The following RAP1GAP2 variants were observed in gnomAD, a reference collection of about 807,000 sequenced individuals.
The protein encoded by RAP1GAP2 is rap1 GTPase-activating protein 2.
Under a neutral mutation model 95.0 loss-of-function variants are expected in RAP1GAP2, and 27 were observed. The ratio of observed to expected loss-of-function variants is 0.28; its 90% CI spans 0.21 to 0.39. RAP1GAP2 has a LOEUF of 0.39. Ranked by LOEUF, RAP1GAP2 falls within the 10% of genes least tolerant of loss-of-function variation. The pLI, the probability that RAP1GAP2 is intolerant of heterozygous loss-of-function variation, is 1.00. For missense variants in RAP1GAP2, 771 were observed against 970.0 expected (o/e 0.79, Z 2.72); for synonymous variants, 373 against 380.9 (o/e 0.98, Z 0.24).
chr17:2,890,086 T>TG (rs1319711356), intron 2 of RAP1GAP2, among the ~76,000 whole-genome samples: 1 of 151,540 alleles, frequency 6.6e-6, no homozygotes, highest in African/African-American at 2.4e-5. Flanking sequence ...CCCTGGTCCC[T>TG]GGGAGCCAAA....
chr17:2,969,382 A>G (rs909459015), intron 8 of RAP1GAP2, among the ~76,000 whole-genome samples: 1 of 151,856 alleles, frequency 6.6e-6, no homozygotes, highest in African/African-American at 2.4e-5. Context: ...AAAAAGCCCA[A>G]CAAACAAAAA....
chr17:2,801,721 A>T (rs2069308162), intron 2 of RAP1GAP2, among the ~76,000 whole-genome samples: 1 of 149,112 alleles, frequency 6.7e-6, no homozygotes, highest in Non-Finnish European at 1.5e-5. Context: ...GGGCTTTCTG[A>T]GGCTCCCACG....
At chr17:3,014,976 A>G (rs112668477) in intron 17 of RAP1GAP2, among the ~76,000 whole-genome samples, 7,356 of 152,246 alleles carry the variant, frequency 0.048, 265 homozygotes, top group East Asian at 0.19. Context: ...GTTTGAGACC[A>G]GCCTGGGCAA....
chr17:2,949,347 G>A (rs4790109), intron 3 of RAP1GAP2, among the ~76,000 whole-genome samples: 136,597 of 152,000 alleles, frequency 0.9, 62,679 homozygotes, highest in Non-Finnish European at 1. Flanking sequence ...ACCCCTTCCG[G>A]AGGCTGTCCC....
At chr17:2,939,615 G>A (rs1445347596) in intron 3 of RAP1GAP2, among the ~76,000 whole-genome samples, 1 of 152,224 alleles carries the variant, frequency 6.6e-6, no homozygotes, top group Non-Finnish European at 1.5e-5. Flanking sequence ...CAACACTGTG[G>A]CTGGTTTCCT....
At chr17:2,917,316 GC>G in intron 3 of RAP1GAP2, among the ~76,000 whole-genome samples, 1 of 152,202 alleles carries the variant, frequency 6.6e-6, no homozygotes, top group East Asian at 1.9e-4. Flanking sequence ...TGTTGCCCAG[GC>G]TGGAGGGCAA....
intron 4 of RAP1GAP2, chr17:2,962,411 AGGCT>A: frequency 2.1e-6 from 1 of 473,128 alleles, no homozygotes; most frequent in Non-Finnish European, 3.7e-6. Context: ...CAAGGTCATC[AGGCT>A]GATAGGTGGC....
chr17:2,997,588 A>G (rs17835197), intron 13 of RAP1GAP2, among the ~76,000 whole-genome samples: 15,921 of 152,116 alleles, frequency 0.1, 1,075 homozygotes, highest in Non-Finnish European at 0.15. Context: ...GCCTCTACCT[A>G]ACGACTTGGC....
intron 2 of RAP1GAP2, among the ~76,000 whole-genome samples, chr17:2,840,225 G>T (rs1028725460): frequency 2.0e-5 from 3 of 151,444 alleles, no homozygotes; most frequent in African/African-American, 7.3e-5. Flanking sequence ...GTGCGGTGGC[G>T]CGATCTCGGT....
chr17:3,013,031 G>C (rs2046615695), intron 17 of RAP1GAP2, among the ~76,000 whole-genome samples: 2 of 152,208 alleles, frequency 1.3e-5, no homozygotes, highest in Non-Finnish European at 2.9e-5. Flanking sequence ...CAGAGGACCG[G>C]GGAGGAGAAG....
At position 2,771,801 on chromosome 17, in the gene RAP1GAP2, G is replaced by T. The variant is rs57385689; in HGVS notation, c.167+1356G>T. Among the ~76,000 whole-genome samples the T allele has an allele frequency of 5.4e-3, 816 of 152,124 alleles. 4 individuals carry two copies. Among genetic ancestry groups the T allele is most frequent in the African/African-American group, 0.018 (767 of 41,518 alleles). ...CACTGTGCCCGGCCACATAACTTCA[G>T]ATTTCATACATGGGAAGGTTACATG... is the stretch of plus-strand genomic sequence containing the variant. On this transcript the variant is annotated intron_variant, in intron 2 of 25. Coordinates refer to the RAP1GAP2 transcript ENST00000637138.
In RAP1GAP2 at chr17:2,965,339, G is replaced by C; in HGVS notation, c.493-201G>C. The C allele has an allele frequency of 6.8e-6, 4 of 589,854 alleles. No individual in the cohort carries two copies. In the South Asian group the frequency reaches 8.0e-5, roughly 12 times the overall value. The allele number at this position is 589,854 out of a possible 1,614,324, so 36.5% of individuals were successfully genotyped here. A position where few individuals can be genotyped will look rare whatever the true frequency, so the allele number is the denominator to read the frequency against. On this transcript the variant is annotated intron_variant, in intron 7 of 24. Coordinates refer to ENST00000254695, the MANE Select transcript of RAP1GAP2 (RefSeq NM_015085.5). The surrounding 1 kb of genome is among the most constrained non-coding windows in gnomAD (Gnocchi z 4.7). The stretch of plus-strand genomic sequence containing the variant: ...TGGTCAGGACTGAAGGAGATAGTGG[G>C]TATTAAGCCCCTGGCACGGTGCCTG...
At chr17:2,924,699 C>T (rs971408553) in intron 3 of RAP1GAP2, among the ~76,000 whole-genome samples, 6 of 152,016 alleles carry the variant, frequency 3.9e-5, no homozygotes, top group Admixed American at 3.3e-4. Context: ...CTGAGTTTGT[C>T]CTCAAATATG....
chr17:2,929,601 T>C (rs2043077319), intron 3 of RAP1GAP2, among the ~76,000 whole-genome samples: 2 of 152,180 alleles, frequency 1.3e-5, no homozygotes, highest in Admixed American at 1.3e-4. Context: ...GTTGACTGTT[T>C]TCCCTGCATG....
chr17:2,994,476 C>G (rs1295604676), intron 12 of RAP1GAP2, among the ~76,000 whole-genome samples: 1 of 152,306 alleles, frequency 6.6e-6, no homozygotes, highest in Admixed American at 6.5e-5. Flanking sequence ...AGGGACTTCC[C>G]TGGATACTCC....
chr17:2,771,546 T>G (rs1278252963), intron 2 of RAP1GAP2, among the ~76,000 whole-genome samples: 1 of 144,464 alleles, frequency 6.9e-6, no homozygotes, highest in Non-Finnish European at 1.5e-5. Context: ...CAGGCTGGAG[T>G]GTAATGGCAC....
At chr17:2,961,971 C>T (rs958065367) in intron 4 of RAP1GAP2, among the ~76,000 whole-genome samples, 6 of 149,198 alleles carry the variant, frequency 4.0e-5, no homozygotes, top group East Asian at 2.0e-4. Flanking sequence ...GGCGCGATCT[C>T]GGCTCACTGC....
At chr17:2,862,433 TC>T (rs1359370273) in intron 2 of RAP1GAP2, among the ~76,000 whole-genome samples, 1 of 152,038 alleles carries the variant, frequency 6.6e-6, no homozygotes, top group African/African-American at 2.4e-5. Flanking sequence ...TTCGGTGAAA[TC>T]AACGAAAAGC....
chr17:2,844,803 C>A (rs1203879687), intron 2 of RAP1GAP2, among the ~76,000 whole-genome samples: 1 of 152,158 alleles, frequency 6.6e-6, no homozygotes, highest in African/African-American at 2.4e-5. Flanking sequence ...GGGGCATTTT[C>A]CCCTGGACCC....
Sources: allele counts gnomAD v4.1 joint callset (sites outside exome capture counted in the v4.1 genomes callset), GRCh38; gene constraint gnomAD v4.1.1; non-coding constraint Gnocchi (gnomAD v3.1); transcripts MANE v1.5; gene names NCBI Gene and HGNC (gene_info 2026-07-23, HGNC 2026-07-21).